Variants in UGT2B11 observed in about 807,000 individuals in gnomAD.
UGT2B11 encodes UDP glucuronosyltransferase family 2 member B11.
UGT2B11 carries 49 observed loss-of-function variants against 51.7 expected under a neutral mutation model. The ratio of observed to expected loss-of-function variants is 0.95; its 90% CI spans 0.75 to 1.20. The LOEUF (loss-of-function observed/expected upper bound fraction) is 1.20, where lower values mean the gene tolerates loss of function less well. Ranked by LOEUF, UGT2B11 falls within the 50% of genes most tolerant of loss-of-function variation. UGT2B11 has a pLI of 0.00. For synonymous variants in UGT2B11, 273 were observed against 209.0 expected (o/e 1.31, Z -2.64); for missense variants, 810 against 622.1 (o/e 1.30, Z -3.21).
intron 5 of UGT2B11, among the ~76,000 whole-genome samples, chr4:69,203,468 T>G (rs1448791194): frequency 6.6e-6 from 1 of 151,682 alleles, no homozygotes; most frequent in Admixed American, 6.6e-5. Context: ...AACATACAGT[T>G]CTCACATGAG....
At chr4:69,222,978 T>C in the UGT2B11 span, among the ~76,000 whole-genome samples, 20 of 152,084 alleles carry the variant, frequency 1.3e-4, no homozygotes, top group East Asian at 5.8e-4. Flanking sequence ...ATGGAGGCAA[T>C]TGTGGCCCTC....
At position 69,214,102 on chromosome 4, in the gene UGT2B11, G is replaced by A; in HGVS notation, c.621C>T (p.Phe207=). 1 of 1,612,108 alleles carries A rather than the reference G, an allele frequency of 6.2e-7. No homozygotes were observed. The highest frequency in any genetic ancestry group is 1.1e-5 in the South Asian group (1 of 90,916). The change falls in exon 1 of 6, where the codon TTC becomes TTT. Residue 207 remains phenylalanine, a synonymous_variant. Transcript: ENST00000446444. Reference sequence around the variant, plus strand: ...AGATCATATTTTTTACCCTCTCCATGAAAGTCATTTGATCACTTAATTTTG... The same window carrying A: ...AGATCATATTTTTTACCCTCTCCATAAAAGTCATTTGATCACTTAATTTTG... ...VMSKLSDQMT[F]MERVKNMIYV...
intron 1 of UGT2B11, 43 bp downstream of exon 1, chr4:69,213,959 A>G (rs751086977): frequency 1.1e-5 from 17 of 1,509,336 alleles, no homozygotes; most frequent in Admixed American, 2.3e-5. Flanking sequence ...TCAAAGACAC[A>G]AATAAGTTAG....
Position 69,200,564 on chromosome 4 carries a change from T to C in UGT2B11, c.1466A>G (p.His489Arg), listed in dbSNP as rs1721615631. Residue 489 changes from histidine to arginine, a missense_variant, in exon 6 of 6, where the codon CAC (histidine) becomes CGC (arginine). Coordinates refer to ENST00000446444, the MANE Select transcript of UGT2B11 (RefSeq NM_001073.3). The part of the protein sequence containing the change: ...AAHDLTWFQY[H>R]SLDVIGFLLA... ...CAGAAACCCAATCACATCCAAAGAG[T>C]GGTACTGGAACCAGGTGAGGTCATG... The C allele has an allele frequency of 6.2e-7, 1 of 1,612,122 alleles. No homozygotes were observed.
chr4:69,213,482 C>G (rs1049139060), intron 1 of UGT2B11, among the ~76,000 whole-genome samples: 2 of 151,686 alleles, frequency 1.3e-5, no homozygotes, highest in Non-Finnish European at 3.0e-5. Flanking sequence ...TCAAATCACC[C>G]TTATTGACTT....
At chr4:69,222,643 G>A in the UGT2B11 span, among the ~76,000 whole-genome samples, 1 of 152,188 alleles carries the variant, frequency 6.6e-6, no homozygotes, top group Non-Finnish European at 1.5e-5. Context: ...AGGACTTAAG[G>A]TCTGATCAAG....
At chr4:69,220,135 T>C in the UGT2B11 span, among the ~76,000 whole-genome samples, 4 of 152,258 alleles carry the variant, frequency 2.6e-5, 1 homozygote, top group South Asian at 8.3e-4. Context: ...TCCATGCAAG[T>C]CCGAAATCCA....
intron 3 of UGT2B11, among the ~76,000 whole-genome samples, chr4:69,207,113 T>G (rs1721888415): frequency 1.3e-5 from 2 of 151,668 alleles, no homozygotes; most frequent in East Asian, 3.9e-4. Flanking sequence ...GTATCATGAA[T>G]AAAAATAAAG....
chr4:69,202,230 C>T (rs1721685297), intron 5 of UGT2B11, among the ~76,000 whole-genome samples: 1 of 151,628 alleles, frequency 6.6e-6, no homozygotes, highest in Non-Finnish European at 1.5e-5. Context: ...ATAATTCTGT[C>T]ACGAACACTC....
intron 2 of UGT2B11, chr4:69,211,258 C>T (rs1722051416): frequency 6.6e-6 from 1 of 151,496 alleles, no homozygotes; most frequent in South Asian, 2.1e-4. Flanking sequence ...ATTTGAGGTA[C>T]ACATTTATAT....
At chr4:69,220,592 G>T in the UGT2B11 span, among the ~76,000 whole-genome samples, 4 of 77,276 alleles carry the variant, frequency 5.2e-5, no homozygotes, top group Non-Finnish European at 1.2e-4. Context: ...TTGACAAGGA[G>T]GTTAAAAATG....
chr4:69,206,873 T>C (rs1308140672), intron 3 of UGT2B11, among the ~76,000 whole-genome samples: 1 of 151,600 alleles, frequency 6.6e-6, no homozygotes, highest in African/African-American at 2.4e-5. Context: ...GGTTATTATA[T>C]TGGAGCCTGT....
chr4:69,221,046 AG>A, the UGT2B11 span, among the ~76,000 whole-genome samples: 1 of 152,184 alleles, frequency 6.6e-6, no homozygotes, highest in African/African-American at 2.4e-5. Context: ...AGGGACAATA[AG>A]GGTTCGCGTG....
At chr4:69,216,541 T>G (rs1722279185), upstream of UGT2B11, 1 of 151,412 alleles carries the variant, frequency 6.6e-6, no homozygotes, top group African/African-American at 2.4e-5. Context: ...ATACAAAGAC[T>G]GTATTTCATC....
rs1722156026 is a variant in UGT2B11 at position 69,213,637 on chromosome 4, T to A, written c.721+365A>T. Among the ~76,000 whole-genome samples the A allele has an allele frequency of 4.6e-5, 7 of 151,844 alleles. No homozygotes were observed. The South Asian group carries it at 1.4e-3, about 31-fold the overall frequency. On this transcript the variant is annotated intron_variant, in intron 1 of 5. Coordinates refer to ENST00000446444, the MANE Select transcript of UGT2B11 (RefSeq NM_001073.3). ...TTACATAGATAGTTGTAGAAAAATGTGTAATTACTCATTCTATATCTATGC... is the reference window on the plus strand; with the variant it reads ...TTACATAGATAGTTGTAGAAAAATGAGTAATTACTCATTCTATATCTATGC...
At chr4:69,216,019 G>T (rs1005264589), upstream of UGT2B11, 2 of 151,928 alleles carry the variant, frequency 1.3e-5, no homozygotes, top group Non-Finnish European at 2.9e-5. Context: ...ATGTGTTTTG[G>T]TACTAAGTTC....
chr4:69,221,466 G>GC, the UGT2B11 span, among the ~76,000 whole-genome samples: 1 of 152,134 alleles, frequency 6.6e-6, no homozygotes, highest in Admixed American at 6.5e-5. Flanking sequence ...TCCTTCTAAG[G>GC]CCCAGACCTC....
chr4:69,213,811 A>T (rs1283617272), intron 1 of UGT2B11, among the ~76,000 whole-genome samples, 191 bp downstream of exon 1: 3 of 151,846 alleles, frequency 2.0e-5, no homozygotes, highest in Non-Finnish European at 4.4e-5. Context: ...TGATGGCCAC[A>T]GGGTTTTAAC....
chr4:69,221,508 C>G, the UGT2B11 span, among the ~76,000 whole-genome samples: 1 of 152,218 alleles, frequency 6.6e-6, no homozygotes, highest in African/African-American at 2.4e-5. Flanking sequence ...TAGGGGACAA[C>G]AAATGGGTAA....
Sources: allele counts gnomAD v4.1 joint callset (sites outside exome capture counted in the v4.1 genomes callset), GRCh38; gene constraint gnomAD v4.1.1; transcripts MANE v1.5; gene names NCBI Gene and HGNC (gene_info 2026-07-23, HGNC 2026-07-21).